USP26: variants seen among roughly 807,000 people sequenced by gnomAD.
The protein encoded by USP26 is ubiquitin carboxyl-terminal hydrolase 26.
For missense variants in USP26, 649 were observed against 642.3 expected (o/e 1.01, Z -0.11); for synonymous variants, 236 against 240.6 (o/e 0.98, Z 0.18).
intron 5 of USP26, among the ~76,000 whole-genome samples, chrX:133,058,071 C>T (rs1424668153): frequency 3.0e-4 from 30 of 100,977 alleles, no homozygotes; most frequent in African/African-American, 7.9e-4. Context: ...TCAGTAGAGA[C>T]GGGGTTTCAC....
At chrX:133,071,642 T>C (rs1461042264) in intron 5 of USP26, among the ~76,000 whole-genome samples, 1 of 111,829 alleles carries the variant, frequency 8.9e-6, no homozygotes, top group African/African-American at 3.3e-5. Flanking sequence ...TCAAATGCCA[T>C]ATATAGAAGC....
At chrX:133,093,228 A>C (rs1039214798) in intron 1 of USP26, among the ~76,000 whole-genome samples, 2 of 111,694 alleles carry the variant, frequency 1.8e-5, no homozygotes, top group African/African-American at 3.3e-5. Flanking sequence ...CAGAGGTTGC[A>C]GTGAGCTAAG....
intron 5 of USP26, among the ~76,000 whole-genome samples, chrX:133,032,094 C>T (rs1040903099): frequency 2.7e-5 from 3 of 111,023 alleles, no homozygotes; most frequent in Admixed American, 1.9e-4. Flanking sequence ...GGTTGCAGTG[C>T]GCCGAGTTCA....
rs1328413350 is a variant in USP26 at position 133,027,164 on chromosome X, T to G, written c.1057A>C (p.Asn353His). 8.3e-7 allele frequency: 1 copy of G among 1,210,417 alleles called. No homozygotes were observed. The highest frequency in any genetic ancestry group is 2.2e-5 in the Admixed American group (1 of 45,868). The stretch of plus-strand genomic sequence containing the variant: ...AGTAACATCTCCTTGATTTCTATAT[T>G]ATAGGTATCTTTAAAAAAAAGTAGC... ...ARLLFFKDTYNIEIKEMLLLN... is the reference protein window; with the variant it reads ...ARLLFFKDTYHIEIKEMLLLN... The change falls in exon 6 of 6, where the codon AAT (asparagine) becomes CAT (histidine). Residue 353 changes from asparagine to histidine, a missense_variant. Physicochemically the swap from Asn to His is moderately conservative, Grantham distance 68 (BLOSUM62 1). Transcript: ENST00000511190.
chrX:133,063,125 A>G (rs1417445945), intron 5 of USP26, among the ~76,000 whole-genome samples: 1 of 111,140 alleles, frequency 9.0e-6, no homozygotes, highest in Non-Finnish European at 1.9e-5. Flanking sequence ...AAGAAAGGAT[A>G]TCAGAGATTG....
chrX:133,069,695 T>C (rs992870701), intron 5 of USP26, among the ~76,000 whole-genome samples: 4 of 111,742 alleles, frequency 3.6e-5, no homozygotes, highest in Non-Finnish European at 7.5e-5. Flanking sequence ...CTTCGAATTC[T>C]ATCAATCAAA....
At chrX:133,083,927 C>T (rs753411582) in intron 4 of USP26, among the ~76,000 whole-genome samples, 156 bp from the exon 5 acceptor site, 7 of 111,742 alleles carry the variant, frequency 6.3e-5, no homozygotes, top group Non-Finnish European at 9.4e-5. Context: ...AAGTCCTTGC[C>T]CCGTCATCAA....
intron 5 of USP26, among the ~76,000 whole-genome samples, chrX:133,055,968 G>T (rs1171310310): frequency 8.9e-6 from 1 of 111,742 alleles, no homozygotes; most frequent in Non-Finnish European, 1.9e-5. Flanking sequence ...TATAAATTTT[G>T]CAGGAAAATA....
chrX:133,096,015 G>A (rs1211707141), intron 1 of USP26, among the ~76,000 whole-genome samples: 2 of 104,139 alleles, frequency 1.9e-5, no homozygotes, highest in East Asian at 5.9e-4. Context: ...AAAGTGCTGG[G>A]ATTACAGGCA....
rs1410132494 is a variant in USP26, at chrX:133,096,063, T to TG, written c.-393+966_-393+967insC. 5.4e-4 allele frequency among the ~76,000 whole-genome samples: 43 copies of TG among 80,371 alleles called. 1 individual carries two copies. 69.8% of individuals were successfully genotyped at this position (80,371 alleles called of 115,157 possible). On this transcript the variant is annotated intron_variant, in intron 1 of 5. Transcript: ENST00000511190. ...CCCGGCCTAATTTTTTTTTTTTTTT[T>TG]TTTTTTTTTTTTTTTGTAGAAATGA... is the stretch of plus-strand genomic sequence containing the variant.
chrX:133,086,118 C>T (rs1441354266), intron 4 of USP26, among the ~76,000 whole-genome samples: 1 of 111,435 alleles, frequency 9.0e-6, no homozygotes, highest in African/African-American at 3.3e-5. Context: ...TAGAAAATGA[C>T]TCAATGAATG....
chrX:133,027,306 A>C lies in USP26; in HGVS notation c.915T>G (p.Tyr305Ter). Residue 305 changes from tyrosine to a stop codon, truncating the protein, a stop_gained, in exon 6 of 6, where the codon TAT (tyrosine) becomes TAG (stop). Transcript: ENST00000511190. LOFTEE classifies it low-confidence loss of function (END_TRUNC). Reference sequence around the variant, plus strand: ...GTAGAGACTGTAACACTGCATTCATATAACAGGTGTTTCCCAAATTGGGGA... The same window carrying C: ...GTAGAGACTGTAACACTGCATTCATCTAACAGGTGTTTCCCAAATTGGGGA... The part of the protein sequence containing the change: ...HGLPNLGNTC[Y>*]MNAVLQSLLS... 1.7e-6 allele frequency: 2 copies of C among 1,211,160 alleles called. No homozygotes were observed. Among genetic ancestry groups the C allele is most frequent in the Non-Finnish European group, 1.1e-6 (1 of 894,773 alleles).
chrX:133,093,412 C>T (rs1252155698), intron 1 of USP26, among the ~76,000 whole-genome samples: 2 of 111,373 alleles, frequency 1.8e-5, no homozygotes, highest in African/African-American at 3.3e-5. Context: ...TTAGAGACAC[C>T]ACGTTTATAG....
intron 5 of USP26, among the ~76,000 whole-genome samples, chrX:133,076,525 G>C: frequency 9.0e-6 from 1 of 111,636 alleles, no homozygotes; most frequent in South Asian, 3.8e-4. Context: ...CTTGAGGGTG[G>C]ACTGGTCTTA....
chrX:133,070,729 T>C (rs1350314651), intron 5 of USP26, among the ~76,000 whole-genome samples: 1 of 111,971 alleles, frequency 8.9e-6, no homozygotes, highest in East Asian at 2.8e-4. Flanking sequence ...GTTTGGGTGG[T>C]ATTTAATTAT....
intron 5 of USP26, among the ~76,000 whole-genome samples, chrX:133,032,726 A>G (rs1335084355): frequency 8.9e-6 from 1 of 111,892 alleles, no homozygotes; most frequent in Non-Finnish European, 1.9e-5. Context: ...CTGAAGGTGT[A>G]GAGAAAAAAA....
Position 133,025,453 on chromosome X carries a change from T to C in USP26, c.*26A>G, listed in dbSNP as rs1261636218. 1 of 1,210,163 alleles carries C rather than the reference T, an allele frequency of 8.3e-7. No homozygotes were observed. The highest frequency in any genetic ancestry group is 2.2e-5 in the Admixed American group (1 of 45,896). ...GTATCGAGTGAGACAGTCAGGCAGA[T>C]CTGTACAAGGAGGAGTACGTTCCTC... On this transcript the variant is annotated 3_prime_UTR_variant, in exon 6 of 6. Coordinates refer to ENST00000511190, the MANE Select transcript of USP26 (RefSeq NM_031907.3).
At chrX:133,059,706 T>G (rs1201001069) in intron 5 of USP26, among the ~76,000 whole-genome samples, 1 of 110,641 alleles carries the variant, frequency 9.0e-6, no homozygotes, top group Non-Finnish European at 1.9e-5. Context: ...GCCAGGCCAC[T>G]TTTCTGAGTG....
intron 5 of USP26, among the ~76,000 whole-genome samples, chrX:133,078,019 G>A (rs1236255497): frequency 1.8e-5 from 2 of 111,253 alleles, no homozygotes; most frequent in African/African-American, 3.3e-5. Context: ...AGGAAGTTGA[G>A]GCTGCAGTGA....
Sources: gnomAD v4.1 joint callset for allele counts (sites outside exome capture counted in the v4.1 genomes callset) on GRCh38, gnomAD v4.1.1 for gene constraint, MANE v1.5 for transcripts, NCBI Gene and HGNC (gene_info 2026-07-23, HGNC 2026-07-21) for gene names.